CNOT10: variants seen among roughly 807,000 people sequenced by gnomAD.
CNOT10 encodes the protein CCR4-NOT transcription complex, subunit 10.
Under a neutral mutation model 94.6 loss-of-function variants are expected in CNOT10, and 30 were observed. The ratio of observed to expected loss-of-function variants is 0.32; its 90% CI spans 0.24 to 0.43. The LOEUF (loss-of-function observed/expected upper bound fraction) is 0.43. CNOT10 is among the 20% of genes least tolerant of loss of function. CNOT10 has a pLI of 1.00. For missense variants in CNOT10, 759 were observed against 877.2 expected (o/e 0.87, Z 1.70); for synonymous variants, 289 against 301.6 (o/e 0.96, Z 0.43).
At chr3:32,699,305 A>T (rs1697225402) in intron 1 of CNOT10, among the ~76,000 whole-genome samples, 1 of 152,328 alleles carries the variant, frequency 6.6e-6, no homozygotes. Flanking sequence ...ACATGTTGTA[A>T]ATATTTTTCC....
intron 13 of CNOT10, among the ~76,000 whole-genome samples, chr3:32,746,842 A>C (rs1699722677): frequency 7.5e-6 from 1 of 133,432 alleles, no homozygotes; most frequent in African/African-American, 2.9e-5. Flanking sequence ...GTCTCAAAAA[A>C]AAAAAAAAAA....
At chr3:32,762,633 A>T in intron 14 of CNOT10, 100 bp from the exon 15 acceptor site, 3 of 1,220,668 alleles carry the variant, frequency 2.5e-6, no homozygotes, top group Non-Finnish European at 3.4e-6. Context: ...TATGAGACCT[A>T]TATCCAATGT....
intron 9 of CNOT10, 143 bp downstream of exon 9, chr3:32,725,742 T>G: frequency 1.5e-6 from 1 of 657,700 alleles, no homozygotes. Flanking sequence ...GCTCTGGGGA[T>G]TTTTAGTAGA....
chr3:32,761,243 G>A (rs375213266), intron 14 of CNOT10, among the ~76,000 whole-genome samples: 2 of 152,266 alleles, frequency 1.3e-5, no homozygotes, highest in Middle Eastern at 3.4e-3. Flanking sequence ...CTGGAGATGG[G>A]GAAGATCCTA....
At chr3:32,718,674 A>G (rs1369917723) in intron 7 of CNOT10, among the ~76,000 whole-genome samples, 4 of 152,056 alleles carry the variant, frequency 2.6e-5, no homozygotes, top group African/African-American at 9.7e-5. Context: ...TAGTCATCCT[A>G]AATCGGCGAA....
chr3:32,730,485 A>G (rs1698894722), intron 10 of CNOT10: 1 of 152,182 alleles, frequency 6.6e-6, no homozygotes, highest in Admixed American at 6.5e-5. Flanking sequence ...TGCTGCTAAT[A>G]GGAAACTTGC....
intron 9 of CNOT10, 44 bp from the exon 10 acceptor site, chr3:32,727,624 A>G: frequency 8.1e-7 from 1 of 1,230,396 alleles, no homozygotes; most frequent in Non-Finnish European, 1.2e-6. Context: ...GGTTACTATT[A>G]CTGTAAATCT....
chr3:32,748,004 A>G (rs1034909158), intron 13 of CNOT10, among the ~76,000 whole-genome samples: 2 of 152,024 alleles, frequency 1.3e-5, no homozygotes, highest in African/African-American at 2.4e-5. Flanking sequence ...ATGCCCAGCT[A>G]CTTTTTTATT....
At chr3:32,692,530 A>G (rs2125492414) in intron 1 of CNOT10, among the ~76,000 whole-genome samples, 1 of 152,322 alleles carries the variant, frequency 6.6e-6, no homozygotes, top group Admixed American at 6.5e-5. Flanking sequence ...ATGTCAGGTT[A>G]TCCAGTATTA....
At chr3:32,726,433 G>A (rs187306058) in intron 9 of CNOT10, among the ~76,000 whole-genome samples, 3 of 152,086 alleles carry the variant, frequency 2.0e-5, no homozygotes, top group Admixed American at 6.6e-5. Flanking sequence ...GGTGGCTCAC[G>A]CCTGTAATCC....
intron 15 of CNOT10, among the ~76,000 whole-genome samples, chr3:32,763,097 A>T (rs1700520328): frequency 6.6e-6 from 1 of 152,200 alleles, no homozygotes; most frequent in Non-Finnish European, 1.5e-5. Context: ...TAGAATGGTT[A>T]ATTTTGGTTC....
rs1374082106 is a variant in CNOT10 at position 32,707,781 on chromosome 3, T to TGA, written c.280-888_280-887dup. Among the ~76,000 whole-genome samples, 5 of 151,894 alleles carry TGA rather than the reference T, an allele frequency of 3.3e-5. No individual in the cohort carries two copies. In the East Asian group the frequency reaches 9.7e-4, roughly 29 times the overall value. Reference sequence around the variant, plus strand: ...TCGTGCCACTGCACTCCAGCCTGGGTGACTCCATCTCAAAAAAAAAAAAAT... The same window carrying TGA: ...TCGTGCCACTGCACTCCAGCCTGGGTGAGACTCCATCTCAAAAAAAAAAAAAT... On this transcript the variant is annotated intron_variant, in intron 3 of 18. Coordinates refer to ENST00000328834, the MANE Select transcript of CNOT10 (RefSeq NM_015442.3).
At position 32,761,992 on chromosome 3, in the gene CNOT10, G is replaced by A. The variant is rs557374122; in HGVS notation, c.1710-741G>A. 2.6e-4 allele frequency among the ~76,000 whole-genome samples: 39 copies of A among 150,694 alleles called. 1 individual carries two copies. In the South Asian group the frequency reaches 7.6e-3, roughly 29 times the overall value. The stretch of plus-strand genomic sequence containing the variant: ...TCTCCATGTTGGTCAGGCTGGTCTC[G>A]AACTCCCGACCTCAGGTGATCTGCC... On this transcript the variant is annotated intron_variant, in intron 14 of 18. Coordinates refer to ENST00000328834, the MANE Select transcript of CNOT10 (RefSeq NM_015442.3).
At chr3:32,702,537 A>T (rs1200112480) in intron 1 of CNOT10, among the ~76,000 whole-genome samples, 3 of 152,202 alleles carry the variant, frequency 2.0e-5, no homozygotes, top group Non-Finnish European at 4.4e-5. Flanking sequence ...AAATGTGTTA[A>T]TATTTTGGAT....
Position 32,727,702 on chromosome 3 carries a change from A to G in CNOT10, c.1047A>G (p.Leu349=), listed in dbSNP as rs779194254. ...KKFSGRPMCT[L]LTNKRYELLY... is the part of the protein sequence containing the mutation. Reference sequence around the variant, plus strand: ...TTTCAGGAAGACCCATGTGTACGTTACTAACCAATAAGAGATATGAGTTGC... The same window carrying G: ...TTTCAGGAAGACCCATGTGTACGTTGCTAACCAATAAGAGATATGAGTTGC... Residue 349 remains leucine (L), a synonymous_variant, in exon 10 of 19, where the codon TTA becomes TTG. Coordinates refer to ENST00000328834, the MANE Select transcript of CNOT10 (RefSeq NM_015442.3). The G allele has an allele frequency of 1.2e-5, 20 of 1,613,974 alleles. No homozygotes were observed. In the South Asian group the frequency reaches 2.1e-4, roughly 17 times the overall value.
At chr3:32,755,463 C>A (rs1046815930) in intron 13 of CNOT10, among the ~76,000 whole-genome samples, 10 of 151,618 alleles carry the variant, frequency 6.6e-5, no homozygotes, top group Admixed American at 1.3e-4. Flanking sequence ...GGATCACAGG[C>A]ATGTGCCACC....
chr3:32,711,515 A>G (rs1005601005), intron 4 of CNOT10, among the ~76,000 whole-genome samples: 3 of 152,090 alleles, frequency 2.0e-5, no homozygotes, highest in Non-Finnish European at 4.4e-5. Flanking sequence ...GGTCAGATAC[A>G]GGGGGCTGGC....
At chr3:32,721,021 C>T in intron 8 of CNOT10, among the ~76,000 whole-genome samples, 1 of 140,280 alleles carries the variant, frequency 7.1e-6, no homozygotes. Flanking sequence ...CCCTCCCTCT[C>T]TTCCTTCCTT....
At chr3:32,707,609 G>T (rs1455649460) in intron 3 of CNOT10, among the ~76,000 whole-genome samples, 1 of 152,084 alleles carries the variant, frequency 6.6e-6, no homozygotes. Flanking sequence ...TTCAAGACCA[G>T]CCTGGCCAAC....
Sources: gnomAD v4.1 joint callset for allele counts (sites outside exome capture counted in the v4.1 genomes callset) on GRCh38, gnomAD v4.1.1 for gene constraint, MANE v1.5 for transcripts, NCBI Gene and HGNC (gene_info 2026-07-23, HGNC 2026-07-21) for gene names.